Variants in RNF213 observed in about 807,000 individuals in gnomAD.
RNF213 encodes the protein ring finger protein 213.
Under a neutral mutation model 514.4 loss-of-function variants are expected in RNF213, and 341 were observed. The observed-to-expected ratio is 0.66, with a 90% CI of 0.61 to 0.73. The LOEUF is 0.73. Ranked by LOEUF, RNF213 falls within the 30% of genes least tolerant of loss-of-function variation. RNF213 has a pLI of 0.00. For synonymous variants in RNF213, 2,655 were observed against 2,658.2 expected, an observed-to-expected ratio of 1.00 and a Z score of 0.04; for missense variants, 5,767 against 6,615.6, an observed-to-expected ratio of 0.87 and a Z score of 4.45.
chr17:80,271,565 A>C (rs1273974462), intron 2 of RNF213, among the ~76,000 whole-genome samples: 1 of 152,230 alleles, frequency 6.6e-6, no homozygotes. Context: ...GCCTGGCACC[A>C]TCTGGAGTGT....
intron 28 of RNF213, 37 bp from the exon 29 acceptor site, chr17:80,344,641 T>G (rs1022969695): frequency 1.2e-6 from 2 of 1,612,862 alleles, no homozygotes; most frequent in Non-Finnish European, 1.7e-6. Context: ...TTAGAAAGTC[T>G]TCTTGTAACC....
At position 80,383,733 on chromosome 17, in the gene RNF213, C is replaced by A; in HGVS notation, c.14127C>A (p.Ile4709=). The A allele has an allele frequency of 6.2e-7, 1 of 1,613,984 alleles. No homozygotes were observed. Among genetic ancestry groups the A allele is most frequent in the Non-Finnish European group, 8.5e-7 (1 of 1,179,950 alleles). The part of the protein sequence containing the change: ...MNNLISQDKR[I]SSNPVAKIIY... Reference sequence around the variant, plus strand: ...ATCTCATCAGCCAAGATAAGCGTATCAGCTCTAACCCTGTGGCCAAAATAA... The same window carrying A: ...ATCTCATCAGCCAAGATAAGCGTATAAGCTCTAACCCTGTGGCCAAAATAA... The change falls in exon 59 of 68, where the codon ATC becomes ATA. Residue 4709 remains isoleucine (I), a synonymous_variant. Coordinates refer to ENST00000582970, the MANE Select transcript of RNF213 (RefSeq NM_001256071.3).
intron 67 of RNF213, among the ~76,000 whole-genome samples, chr17:80,390,616 C>T (rs1896926905): frequency 1.3e-5 from 2 of 151,312 alleles, no homozygotes; most frequent in African/African-American, 4.9e-5. Context: ...AGGCTGGTCT[C>T]GAACTCCTGG....
intron 16 of RNF213, among the ~76,000 whole-genome samples, chr17:80,318,083 C>T (rs1013093297): frequency 6.6e-6 from 1 of 152,136 alleles, no homozygotes; most frequent in East Asian, 1.9e-4. Flanking sequence ...ACCGTCTCTC[C>T]TTGGAAGTCC....
intron 11 of RNF213, among the ~76,000 whole-genome samples, chr17:80,302,989 G>T (rs777886616): frequency 1.3e-5 from 2 of 152,036 alleles, no homozygotes; most frequent in Non-Finnish European, 2.9e-5. Context: ...ATTTATTTTG[G>T]CCTTGAAATG....
At chr17:80,300,899 CTTT>C (rs150190113) in intron 11 of RNF213, among the ~76,000 whole-genome samples, 10,498 of 152,152 alleles carry the variant, frequency 0.069, 492 homozygotes, top group East Asian at 0.21. Flanking sequence ...TGATGTTGAG[CTTT>C]TTTTCATATG....
In RNF213 at chr17:80,377,676, A is replaced by C; in HGVS notation, c.13511-86A>C. 6.8e-7 allele frequency: 1 copy of C among 1,465,652 alleles called. No individual in the cohort carries two copies. Among genetic ancestry groups the C allele is most frequent in the Non-Finnish European group, 9.6e-7 (1 of 1,044,392 alleles). 90.8% of individuals were successfully genotyped at this position (1,465,652 alleles called of 1,614,324 possible). A position where few individuals can be genotyped will look rare whatever the true frequency, so the allele number is the denominator to read the frequency against. On this transcript the variant is annotated intron_variant, in intron 53 of 67. Coordinates refer to ENST00000582970, the MANE Select transcript of RNF213 (RefSeq NM_001256071.3). The surrounding 1 kb of genome is among the most constrained non-coding windows in gnomAD (Gnocchi z 4.1). ...TCATTCTCATATTGTGGTCAGGGCC[A>C]GAGAGTAGAGAGTTAGCTTTCCCTT...
Position 80,287,929 on chromosome 17 carries a change from C to A in RNF213, c.376C>A (p.Pro126Thr), listed in dbSNP as rs868525280. The A allele has an allele frequency of 1.9e-6, 3 of 1,570,872 alleles. No individual in the cohort carries two copies. Among genetic ancestry groups the A allele is most frequent in the South Asian group, 1.2e-5 (1 of 86,582 alleles). ...CTGTCACCTGACTTTGCTTTCAAAC[C>A]CGTGGCCTCAGGACACAGCCCTGCC... Reference protein sequence around the residue: ...SPCHLTLLSNPWPQDTALPHS... With the variant: ...SPCHLTLLSNTWPQDTALPHS... The change falls in exon 4 of 68, where the codon CCG (proline) becomes ACG (threonine). Residue 126 changes from proline to threonine, a missense_variant. Coordinates refer to ENST00000582970, the MANE Select transcript of RNF213 (RefSeq NM_001256071.3).
chr17:80,261,688 T>G (rs2043427726), intron 1 of RNF213, among the ~76,000 whole-genome samples: 1 of 152,240 alleles, frequency 6.6e-6, no homozygotes, highest in Non-Finnish European at 1.5e-5. Flanking sequence ...GGGCTCTCTC[T>G]TGTGTCTTCC....
Position 80,354,175 on chromosome 17 carries a change from C to A in RNF213, c.10726+9C>A. 6.2e-7 allele frequency: 1 copy of A among 1,612,842 alleles called. No individual in the cohort carries two copies. The highest frequency in any genetic ancestry group is 8.5e-7 in the Non-Finnish European group (1 of 1,179,964). On this transcript the variant is annotated intron_variant, in intron 35 of 67. Transcript: ENST00000582970. Reference sequence around the variant, plus strand: ...GGATGACGCGTGCCACGGTATGAGCCTCCCCACCCCTCTTGCCCCTGCCCC... The same window carrying A: ...GGATGACGCGTGCCACGGTATGAGCATCCCCACCCCTCTTGCCCCTGCCCC...
chr17:80,347,276 C>G lies in RNF213; in HGVS notation c.8941C>G (p.Gln2981Glu). 6.2e-7 allele frequency: 1 copy of G among 1,613,832 alleles called. No homozygotes were observed. Residue 2981 changes from glutamine (Q) to glutamate (E), a missense_variant, in exon 29 of 68, where the codon CAG becomes GAG. This residue lies in a region of RNF213 where 919 missense variants were observed against 1,121.0 expected (regional missense o/e 0.82). Coordinates refer to ENST00000582970, the MANE Select transcript of RNF213 (RefSeq NM_001256071.3). This position sits in a 1 kb window ranked among gnomAD's most constrained non-coding sequence, Gnocchi z 7.2. ...AAAGCCTTCCCCGCAAGACATTGCA[C>G]AGGCTGTCCTTAGGAACTTCAGTGG... ...NRKPSPQDIA[Q>E]AVLRNFSGKD...
chr17:80,268,633 ATCCG>A (rs560972024), intron 2 of RNF213, among the ~76,000 whole-genome samples: 4,596 of 115,910 alleles, frequency 0.04, 108 homozygotes, highest in East Asian at 0.15. Flanking sequence ...CCATCCATCC[ATCCG>A]TTTATCTGTC....
At position 80,336,324 on chromosome 17, in the gene RNF213, T is replaced by G. The variant is rs527433585; in HGVS notation, c.4473T>G (p.His1491Gln). 504 of 1,537,256 alleles carry G rather than the reference T, an allele frequency of 3.3e-4. 1 individual carries two copies. Among genetic ancestry groups the G allele is most frequent in the Non-Finnish European group, 1.4e-5 (16 of 1,146,928 alleles). ...TGGACTTCAGTGCATTCATGAAGCATCTGAAAAAGCTGTGGAAGGCTCTGG... is the reference window on the plus strand; with the variant it reads ...TGGACTTCAGTGCATTCATGAAGCAGCTGAAAAAGCTGTGGAAGGCTCTGG... Reference protein sequence around the residue: ...PSVDFSAFMKHLKKLWKALDK... With the variant: ...PSVDFSAFMKQLKKLWKALDK... Residue 1491 changes from histidine (H) to glutamine (Q), a missense_variant, in exon 23 of 68, where the codon CAT (histidine) becomes CAG (glutamine). Around this residue, in one of 13 missense-constraint regions of RNF213, gnomAD observed 1,377 missense variants for 1,635.2 expected, o/e 0.84. Coordinates refer to ENST00000582970, the MANE Select transcript of RNF213 (RefSeq NM_001256071.3).
chr17:80,377,651 T>C lies in RNF213; in HGVS notation c.13511-111T>C, dbSNP rs1404396212. ...AATTAGCGTGGGATGCTCTGGACAG[T>C]CATTCTCATATTGTGGTCAGGGCCA... On this transcript the variant is annotated intron_variant, in intron 53 of 67. Coordinates refer to ENST00000582970, the MANE Select transcript of RNF213 (RefSeq NM_001256071.3). This position sits in a 1 kb window ranked among gnomAD's most constrained non-coding sequence, Gnocchi z 4.1. 2.3e-5 allele frequency: 26 copies of C among 1,152,766 alleles called. No individual in the cohort carries two copies. 71.4% of individuals were successfully genotyped at this position (1,152,766 alleles called of 1,614,324 possible).
chr17:80,336,264 C>T lies in RNF213; in HGVS notation c.4413C>T (p.Gly1471=), dbSNP rs1242087136. ...RVACFHDAVQ[G]YASLLFKLDP... ...CCTGCTTCCATGACGCTGTGCAGGG[C>T]TACGCATCCCTGCTATTTAAGCTGG... is the stretch of plus-strand genomic sequence containing the variant. The change falls in exon 23 of 68, where the codon GGC becomes GGT. Residue 1471 remains glycine (G), a synonymous_variant. Coordinates refer to ENST00000582970, the MANE Select transcript of RNF213 (RefSeq NM_001256071.3). The T allele has an allele frequency of 1.3e-6, 2 of 1,537,190 alleles. No individual in the cohort carries two copies. The highest frequency in any genetic ancestry group is 3.9e-5 in the Admixed American group (2 of 50,998).
chr17:80,375,813 T>TA lies in RNF213; in HGVS notation c.13129dup (p.Arg4377LysfsTer22). On this transcript the variant is annotated frameshift_variant, in exon 51 of 68. Coordinates refer to ENST00000582970, the MANE Select transcript of RNF213 (RefSeq NM_001256071.3). LOFTEE classifies it high-confidence loss of function. ...CAGCCTACTTCCTGTTAACACTGTT[T>TA]AGAGAGGTGGCTATTTTGTACAGAT... 1 of 1,614,186 alleles carries TA rather than the reference T, an allele frequency of 6.2e-7. No individual in the cohort carries two copies. The highest frequency in any genetic ancestry group is 8.5e-7 in the Non-Finnish European group (1 of 1,180,028).
At chr17:80,290,801 T>C (rs2044694681) in intron 7 of RNF213, 73 bp downstream of exon 7, 1 of 1,560,808 alleles carries the variant, frequency 6.4e-7, no homozygotes, top group African/African-American at 1.4e-5. Context: ...ACACGTAGTT[T>C]AAAAAAATTT....
chr17:80,277,897 C>T (rs62074445), intron 3 of RNF213, among the ~76,000 whole-genome samples: 19,483 of 152,270 alleles, frequency 0.13, 1,624 homozygotes, highest in Non-Finnish European at 0.19. Flanking sequence ...CACCCTGCAG[C>T]AGAGTCAGGT....
At position 80,295,016 on chromosome 17, in the gene RNF213, C is replaced by T; in HGVS notation, c.1755+13C>T. 1 of 1,613,932 alleles carries T rather than the reference C, an allele frequency of 6.2e-7. No homozygotes were observed. Among genetic ancestry groups the T allele is most frequent in the African/African-American group, 1.3e-5 (1 of 75,050 alleles). On this transcript the variant is annotated intron_variant, in intron 9 of 67. Coordinates refer to ENST00000582970, the MANE Select transcript of RNF213 (RefSeq NM_001256071.3). ...CAGGGAGAAAGAGGTATCAGGCTTG[C>T]CACCAGCTGCTCTACCTGCTGGGCA...
Sources: gnomAD v4.1 joint callset for allele counts (sites outside exome capture counted in the v4.1 genomes callset) on GRCh38, gnomAD v4.1.1 for gene constraint, gnomAD v4.1.1 regional missense constraint, Gnocchi (gnomAD v3.1) non-coding constraint, MANE v1.5 for transcripts, NCBI Gene and HGNC (gene_info 2026-07-23, HGNC 2026-07-21) for gene names.